The following ARHGEF12 variants were observed in gnomAD, a reference collection of about 807,000 sequenced individuals.
ARHGEF12 encodes the protein KMT2A/ARHGEF12 fusion protein.
Under a neutral mutation model 211.2 loss-of-function variants are expected in ARHGEF12, and 66 were observed. The ratio of observed to expected loss-of-function variants is 0.31; its 90% CI spans 0.26 to 0.38. ARHGEF12 has a LOEUF of 0.38. Ranked by LOEUF, ARHGEF12 falls within the 10% of genes least tolerant of loss-of-function variation. The probability of loss-of-function intolerance (pLI) is 1.00; values close to 1 mark genes in which losing one functional copy is unlikely to be tolerated. For missense variants in ARHGEF12, 1,429 were observed against 1,869.5 expected (o/e 0.76, Z 4.34); for synonymous variants, 592 against 638.4 (o/e 0.93, Z 1.09).
At chr11:120,364,163 T>C (rs777653047) in intron 1 of ARHGEF12, among the ~76,000 whole-genome samples, 32 of 152,270 alleles carry the variant, frequency 2.1e-4, no homozygotes, top group Non-Finnish European at 4.0e-4. Context: ...TCTGTAAATA[T>C]TTGAAATCTA....
rs1942372708 is a variant in ARHGEF12 at position 120,337,094 on chromosome 11, C to T, written c.-150C>T. ...GCCGCATCCGTTGACCCCTTACAGT[C>T]GGATGGTCTAGATGACTGAATGGAG... On this transcript the variant is annotated 5_prime_UTR_variant, in exon 1 of 41. Coordinates refer to ENST00000397843, the MANE Select transcript of ARHGEF12 (RefSeq NM_015313.3). 2.3e-6 allele frequency: 2 copies of T among 878,262 alleles called. No individual in the cohort carries two copies. The highest frequency in any genetic ancestry group is 3.7e-6 in the Non-Finnish European group (2 of 544,090). 54.4% of individuals were successfully genotyped at this position (878,262 alleles called of 1,614,324 possible). A position where few individuals can be genotyped will look rare whatever the true frequency, so the allele number is the denominator to read the frequency against.
In ARHGEF12 at chr11:120,418,235, G is replaced by A. The variant is rs10892574; in HGVS notation, c.200-2518G>A. 5.9e-4 allele frequency among the ~76,000 whole-genome samples: 90 copies of A among 151,992 alleles called. 1 individual carries two copies. The East Asian group carries it at 0.011, about 18-fold the overall frequency. ...TTGCAGTCATTCCCACTCCTCTTCC[G>A]TGCTTCTCCCCTAGGCAGTTGCTAT... On this transcript the variant is annotated intron_variant, in intron 4 of 40. Coordinates refer to ENST00000397843, the MANE Select transcript of ARHGEF12 (RefSeq NM_015313.3).
chr11:120,439,422 T>C (rs1371685045), intron 12 of ARHGEF12: 1 of 152,208 alleles, frequency 6.6e-6, no homozygotes, highest in African/African-American at 2.4e-5. Flanking sequence ...GCAGCTGGCA[T>C]CTGGTGGGTG....
chr11:120,415,209 A>G (rs1024974943), intron 4 of ARHGEF12, among the ~76,000 whole-genome samples: 6 of 152,098 alleles, frequency 3.9e-5, no homozygotes, highest in African/African-American at 9.7e-5. Flanking sequence ...GAAGATTGCT[A>G]TTTTGGAGTT....
chr11:120,440,675 C>G (rs1945841326), intron 13 of ARHGEF12, among the ~76,000 whole-genome samples: 1 of 152,006 alleles, frequency 6.6e-6, no homozygotes, highest in African/African-American at 2.4e-5. Flanking sequence ...TATTTTCAAG[C>G]TGTTTATCTT....
chr11:120,434,266 CA>C (rs1419334809), intron 11 of ARHGEF12, among the ~76,000 whole-genome samples: 1 of 152,028 alleles, frequency 6.6e-6, no homozygotes, highest in Non-Finnish European at 1.5e-5. Flanking sequence ...AGGTTGTACC[CA>C]ATGCTTTACA....
At chr11:120,407,890 C>G in intron 3 of ARHGEF12, 67 bp downstream of exon 3, 1 of 1,309,944 alleles carries the variant, frequency 7.6e-7, no homozygotes. Flanking sequence ...AGAGCTTAAG[C>G]TACCCGAAAC....
intron 39 of ARHGEF12, among the ~76,000 whole-genome samples, chr11:120,483,889 C>T (rs1015496198): frequency 6.6e-6 from 1 of 152,208 alleles, no homozygotes. Flanking sequence ...GTTGGGATTA[C>T]AGGCGTGAGC....
intron 30 of ARHGEF12, among the ~76,000 whole-genome samples, 162 bp downstream of exon 30, chr11:120,469,550 T>C (rs1946806521): frequency 6.6e-6 from 1 of 152,252 alleles, no homozygotes; most frequent in Admixed American, 6.5e-5. Flanking sequence ...CAATCTGTGA[T>C]AGAATATCGG....
At chr11:120,418,235 G>T (rs10892574) in intron 4 of ARHGEF12, among the ~76,000 whole-genome samples, 1 of 151,876 alleles carries the variant, frequency 6.6e-6, no homozygotes, top group Non-Finnish European at 1.5e-5. Context: ...CTCCTCTTCC[G>T]TGCTTCTCCC....
chr11:120,421,429 G>GTTTTTTTT lies in ARHGEF12; in HGVS notation c.299-369_299-362dup. Among the ~76,000 whole-genome samples the GTTTTTTTT allele has an allele frequency of 4.1e-4, 33 of 79,878 alleles. 9 individuals carry two copies. In the South Asian group the frequency reaches 0.014, roughly 34 times the overall value. The allele number at this position is 79,878 out of a possible 152,430, so 52.4% of individuals were successfully genotyped here. A position where few individuals can be genotyped will look rare whatever the true frequency, so the allele number is the denominator to read the frequency against. On this transcript the variant is annotated intron_variant, in intron 5 of 40. Coordinates refer to ENST00000397843, the MANE Select transcript of ARHGEF12 (RefSeq NM_015313.3). ...ATGTAAAGTCTGACTTTACAGCCTTGTTTTTTTTTTTTGTTTTTTTTTTTT... is the reference window on the plus strand; with the variant it reads ...ATGTAAAGTCTGACTTTACAGCCTTGTTTTTTTTTTTTTTTTTTTTGTTTTTTTTTTTT...
Position 120,477,277 on chromosome 11 carries a change from A to T in ARHGEF12, c.3424A>T (p.Ile1142Phe), listed in dbSNP as rs373986103. ...AGTGAAGGAGCAATCCACAAAGCCA[A>T]TTCCATTACCACAGTCAACACCTGG... Reference protein sequence around the residue: ...ASVKEQSTKPIPLPQSTPGEG... With the variant: ...ASVKEQSTKPFPLPQSTPGEG... The change falls in exon 35 of 41, where the codon ATT (isoleucine) becomes TTT (phenylalanine). Residue 1142 changes from isoleucine to phenylalanine, a missense_variant. Around this residue, in one of 7 missense-constraint regions of ARHGEF12, gnomAD observed 223 missense variants for 444.6 expected, o/e 0.50. Transcript: ENST00000397843. 3 of 1,614,046 alleles carry T rather than the reference A, an allele frequency of 1.9e-6. No individual in the cohort carries two copies. The African/African-American group carries it at 4.0e-5, about 22-fold the overall frequency.
chr11:120,466,270 A>T (rs1180427027), intron 28 of ARHGEF12, among the ~76,000 whole-genome samples: 1 of 152,174 alleles, frequency 6.6e-6, no homozygotes, highest in Non-Finnish European at 1.5e-5. Context: ...TTTCTTTGTA[A>T]ATGTATAACT....
At chr11:120,427,670 TAAA>T (rs373197231) in intron 7 of ARHGEF12, among the ~76,000 whole-genome samples, 2 of 142,398 alleles carry the variant, frequency 1.4e-5, no homozygotes, top group Middle Eastern at 3.6e-3. Flanking sequence ...AGACCCTAAT[TAAA>T]AAAAAAAAAG....
intron 4 of ARHGEF12, chr11:120,409,719 G>T: frequency 6.1e-6 from 2 of 325,250 alleles, no homozygotes; most frequent in Non-Finnish European, 5.7e-6. Flanking sequence ...TGGTAGGAAG[G>T]TGATTATCTC....
intron 1 of ARHGEF12, among the ~76,000 whole-genome samples, chr11:120,338,035 G>A (rs1330686858): frequency 6.6e-6 from 1 of 152,176 alleles, no homozygotes; most frequent in Non-Finnish European, 1.5e-5. Flanking sequence ...CATGGTGGTG[G>A]GTGGCGAATT....
At chr11:120,374,459 G>A (rs1943671092) in intron 1 of ARHGEF12, among the ~76,000 whole-genome samples, 1 of 152,172 alleles carries the variant, frequency 6.6e-6, no homozygotes. Flanking sequence ...ATATGTGTGT[G>A]AACATTACGA....
intron 3 of ARHGEF12, 142 bp from the exon 4 acceptor site, chr11:120,409,252 G>A (rs1944810603): frequency 5.8e-6 from 4 of 683,970 alleles, no homozygotes; most frequent in Middle Eastern, 5.2e-4. Context: ...ACTATTCTAA[G>A]TGCTGTCATC....
chr11:120,417,390 A>G (rs1431651290), intron 4 of ARHGEF12, among the ~76,000 whole-genome samples: 1 of 152,136 alleles, frequency 6.6e-6, no homozygotes, highest in East Asian at 1.9e-4. Context: ...CTAAAGTCAC[A>G]GTATCTAATT....
Sources: allele counts gnomAD v4.1 joint callset (sites outside exome capture counted in the v4.1 genomes callset), GRCh38; gene constraint gnomAD v4.1.1; regional missense constraint gnomAD v4.1.1; transcripts MANE v1.5; gene names NCBI Gene and HGNC (gene_info 2026-07-23, HGNC 2026-07-21).